The following CDH2 variants were observed in gnomAD, a reference collection of about 807,000 sequenced individuals.
CDH2 encodes cadherin 2.
A neutral mutation model predicts 92.0 loss-of-function variants in CDH2; 17 were observed. That is an observed-to-expected ratio of 0.18 (90% CI 0.13 to 0.28). The LOEUF is 0.28. CDH2 is among the 10% of genes least tolerant of loss of function. The pLI is 1.00. For synonymous variants in CDH2, 419 were observed against 415.9 expected, an observed-to-expected ratio of 1.01 and a Z score of -0.09; for missense variants, 862 against 1,133.1, an observed-to-expected ratio of 0.76 and a Z score of 3.44.
chr18:28,166,408 A>G (rs1260610309), intron 1 of CDH2, among the ~76,000 whole-genome samples: 1 of 151,928 alleles, frequency 6.6e-6, no homozygotes, highest in Non-Finnish European at 1.5e-5. Flanking sequence ...AATAAAGAGA[A>G]GGATCATAAA....
intron 1 of CDH2, among the ~76,000 whole-genome samples, chr18:28,166,745 T>C (rs1021823554): frequency 7.9e-5 from 12 of 152,148 alleles, no homozygotes; most frequent in African/African-American, 2.9e-4. Flanking sequence ...TTAGAGAAGC[T>C]TTGAAGCCAA....
intron 14 of CDH2, among the ~76,000 whole-genome samples, chr18:27,977,027 C>T (rs559808282): frequency 8.5e-5 from 13 of 152,280 alleles, no homozygotes; most frequent in Non-Finnish European, 1.5e-4. Flanking sequence ...CTGCAACCAA[C>T]CCCATTGGCC....
chr18:28,024,450 T>A (rs1206137200), intron 2 of CDH2, among the ~76,000 whole-genome samples: 1 of 149,676 alleles, frequency 6.7e-6, no homozygotes, highest in Non-Finnish European at 1.5e-5. Context: ...TATATATAAA[T>A]AATATAAAGT....
At chr18:27,950,697 C>T (rs534246008), downstream of CDH2, among the ~76,000 whole-genome samples, 2 of 152,044 alleles carry the variant, frequency 1.3e-5, no homozygotes, top group African/African-American at 2.4e-5. Context: ...AGAATTAACA[C>T]CGAAGTTCAC....
intron 6 of CDH2, among the ~76,000 whole-genome samples, chr18:27,945,323 A>ATTTTTTTTTTTTTTGTTT (rs1909243524): frequency 1.5e-5 from 1 of 66,460 alleles, no homozygotes; most frequent in African/African-American, 5.9e-5. Context: ...AGGAAGGAAG[A>ATTTTTTTTTTTTTTGTTT]TTTTTTTTTT....
chr18:28,149,326 A>G (rs1303036140), intron 1 of CDH2, among the ~76,000 whole-genome samples: 1 of 152,234 alleles, frequency 6.6e-6, no homozygotes, highest in African/African-American at 2.4e-5. Context: ...CAAAAGAAGA[A>G]AACAACATTA....
Position 28,039,061 on chromosome 18 carries a change from C to A in CDH2, c.173-25152G>T, listed in dbSNP as rs79376963. 6.2e-3 allele frequency among the ~76,000 whole-genome samples: 940 copies of A among 152,262 alleles called. 7 individuals are homozygous for A. The highest frequency in any genetic ancestry group is 0.02 in the African/African-American group (850 of 41,544). ...CACATCTCATCTCTGGGATTGTACA[C>A]AGGATAGTGAACTTTATGTGTCTTC... is the stretch of plus-strand genomic sequence containing the variant. On this transcript the variant is annotated intron_variant, in intron 2 of 15. Coordinates refer to ENST00000269141, the MANE Select transcript of CDH2 (RefSeq NM_001792.5).
At chr18:28,104,707 T>TCTAC (rs2015292746) in intron 2 of CDH2, among the ~76,000 whole-genome samples, 2 of 151,556 alleles carry the variant, frequency 1.3e-5, no homozygotes, top group Non-Finnish European at 2.9e-5. Context: ...TATCTATCTA[T>TCTAC]CTATCTATCT....
intron 2 of CDH2, among the ~76,000 whole-genome samples, chr18:28,051,813 T>C (rs549313827): frequency 4.6e-5 from 7 of 152,188 alleles, no homozygotes; most frequent in African/African-American, 1.7e-4. Context: ...ACGAAATCAC[T>C]ACGTAATAAT....
intron 2 of CDH2, among the ~76,000 whole-genome samples, chr18:28,110,078 TAGG>T (rs1299803313): frequency 6.6e-6 from 1 of 152,168 alleles, no homozygotes; most frequent in Non-Finnish European, 1.5e-5. Context: ...CCAACACACT[TAGG>T]AGTTTATTCC....
chr18:28,032,000 A>G (rs1455309614), intron 2 of CDH2, among the ~76,000 whole-genome samples: 1 of 151,974 alleles, frequency 6.6e-6, no homozygotes, highest in African/African-American at 2.4e-5. Flanking sequence ...GTAGTATAGT[A>G]CTCTCTTCAA....
At chr18:28,046,264 T>C (rs1261662888) in intron 2 of CDH2, among the ~76,000 whole-genome samples, 1 of 152,162 alleles carries the variant, frequency 6.6e-6, no homozygotes, top group African/African-American at 2.4e-5. Flanking sequence ...TATTAGGAAA[T>C]GTAGGCACTT....
At chr18:27,970,377 C>CT (rs1176310353) in intron 14 of CDH2, among the ~76,000 whole-genome samples, 1 of 152,170 alleles carries the variant, frequency 6.6e-6, no homozygotes, top group Non-Finnish European at 1.5e-5. Context: ...CAAAGCCACT[C>CT]TATCTCAGCA....
At chr18:28,005,438 AG>A (rs1236160368) in intron 6 of CDH2, among the ~76,000 whole-genome samples, 1 of 152,184 alleles carries the variant, frequency 6.6e-6, no homozygotes, top group African/African-American at 2.4e-5. Context: ...AGTATCTTTA[AG>A]GCTTTCTCAC....
At chr18:27,954,294 G>A (rs959367425) in intron 15 of CDH2, among the ~76,000 whole-genome samples, 3 of 152,026 alleles carry the variant, frequency 2.0e-5, no homozygotes, top group Admixed American at 1.3e-4. Context: ...TTGTGTTACT[G>A]CCCTCAGTGA....
chr18:28,041,349 A>G (rs983427626), intron 2 of CDH2, among the ~76,000 whole-genome samples: 2 of 152,226 alleles, frequency 1.3e-5, no homozygotes, highest in Admixed American at 1.3e-4. Context: ...GGCTTTGCTG[A>G]AAACAAGCAC....
At chr18:27,948,220 A>C (rs565693463), downstream of CDH2, among the ~76,000 whole-genome samples, 4 of 146,370 alleles carry the variant, frequency 2.7e-5, no homozygotes, top group South Asian at 4.4e-4. Flanking sequence ...TGGTGTTTGG[A>C]AAACAGATAT....
chr18:27,985,786 T>C (rs1306147497), intron 11 of CDH2, 25 bp from the exon 12 acceptor site: 2 of 1,363,242 alleles, frequency 1.5e-6, no homozygotes, highest in South Asian at 1.2e-5. Context: ...AAATCACAAA[T>C]GATGCTGAAC....
chr18:28,034,698 A>C (rs1351332839), intron 2 of CDH2, among the ~76,000 whole-genome samples: 1 of 152,008 alleles, frequency 6.6e-6, no homozygotes, highest in Non-Finnish European at 1.5e-5. Flanking sequence ...AAAAACAAAA[A>C]CAAAAACAAA....
Sources: allele counts gnomAD v4.1 joint callset (sites outside exome capture counted in the v4.1 genomes callset), GRCh38; gene constraint gnomAD v4.1.1; transcripts MANE v1.5; gene names NCBI Gene and HGNC (gene_info 2026-07-23, HGNC 2026-07-21).